The following PTPRN2 variants were observed in gnomAD, a reference collection of about 807,000 sequenced individuals.
PTPRN2 encodes protein tyrosine phosphatase receptor type N2, also known as receptor-type tyrosine-protein phosphatase N2.
Under a neutral mutation model 118.8 loss-of-function variants are expected in PTPRN2, and 74 were observed. The observed-to-expected ratio is 0.62, with a 90% CI of 0.52 to 0.76. PTPRN2 has a LOEUF of 0.76. PTPRN2 is among the 30% of genes least tolerant of loss of function. The pLI, the probability that PTPRN2 is intolerant of heterozygous loss-of-function variation, is 0.00. For missense variants in PTPRN2, 1,481 were observed against 1,394.4 expected, an observed-to-expected ratio of 1.06 and a Z score of -0.99; for synonymous variants, 641 against 608.0, an observed-to-expected ratio of 1.05 and a Z score of -0.80.
intron 1 of PTPRN2, among the ~76,000 whole-genome samples, chr7:158,514,441 C>T (rs1823393361): frequency 1.3e-5 from 2 of 152,108 alleles, no homozygotes; most frequent in African/African-American, 4.8e-5. Flanking sequence ...CAGGGGTGTT[C>T]CTCAGATGTT....
intron 11 of PTPRN2, among the ~76,000 whole-genome samples, chr7:157,976,976 G>C (rs1197000613): frequency 6.6e-6 from 1 of 151,768 alleles, no homozygotes; most frequent in Non-Finnish European, 1.5e-5. Flanking sequence ...TGTCATGCCA[G>C]GAATCGTTAT....
At chr7:157,546,010 G>A (rs1235456450) in intron 22 of PTPRN2, among the ~76,000 whole-genome samples, 4 of 152,178 alleles carry the variant, frequency 2.6e-5, no homozygotes, top group African/African-American at 4.8e-5. Context: ...GCGCAGTCAC[G>A]GATTAAGATG....
chr7:158,469,082 A>G (rs1819644711), intron 2 of PTPRN2, among the ~76,000 whole-genome samples: 1 of 152,228 alleles, frequency 6.6e-6, no homozygotes, highest in Non-Finnish European at 1.5e-5. Context: ...GTGGATCAAC[A>G]CTATGCACAC....
rs1823679508 is a variant in PTPRN2 at position 158,517,783 on chromosome 7, C to G, written c.113-27998G>C. 6.6e-6 allele frequency among the ~76,000 whole-genome samples: 1 copy of G among 152,126 alleles called. No homozygotes were observed. ...CCAGATGCCTCCAGACTCATCCCCACCACAGCCAGGCAGGCCTCCCCAGGC... is the reference window on the plus strand; with the variant it reads ...CCAGATGCCTCCAGACTCATCCCCAGCACAGCCAGGCAGGCCTCCCCAGGC... On this transcript the variant is annotated intron_variant, in intron 1 of 22. Coordinates refer to ENST00000389418, the MANE Select transcript of PTPRN2 (RefSeq NM_002847.5). The surrounding 1 kb of genome is among the most constrained non-coding windows in gnomAD (Gnocchi z 5.3).
At position 158,226,691 on chromosome 7, in the gene PTPRN2, T is replaced by C. The variant is rs1168793539; in HGVS notation, c.278-21418A>G. Among the ~76,000 whole-genome samples the C allele has an allele frequency of 1.4e-4, 6 of 42,780 alleles. No homozygotes were observed. The South Asian group carries it at 2.1e-3, about 15-fold the overall frequency. The allele number at this position is 42,780 out of a possible 152,430, so 28.1% of individuals were successfully genotyped here. On this transcript the variant is annotated intron_variant, in intron 3 of 22. Coordinates refer to ENST00000389418, the MANE Select transcript of PTPRN2 (RefSeq NM_002847.5). ...CGCTTCCCTTTTTTTTTTTTTTTTT[T>C]CCGGTGGTATCCAAGAGTAAGATAT...
chr7:158,056,078 C>T (rs10254965), intron 11 of PTPRN2, among the ~76,000 whole-genome samples: 51,039 of 151,964 alleles, frequency 0.34, 9,453 homozygotes, highest in African/African-American at 0.51. Context: ...CTGGAATCTT[C>T]GGAGGCTCTT....
intron 3 of PTPRN2, among the ~76,000 whole-genome samples, chr7:158,269,332 A>G (rs1043874467): frequency 2.0e-5 from 3 of 152,204 alleles, no homozygotes; most frequent in African/African-American, 7.2e-5. Flanking sequence ...AGAAAGGCCC[A>G]AACACCAGCC....
intron 2 of PTPRN2, among the ~76,000 whole-genome samples, chr7:158,393,240 T>C (rs1252207693): frequency 1.3e-5 from 2 of 152,196 alleles, no homozygotes; most frequent in East Asian, 3.8e-4. Flanking sequence ...AAACCTGGGT[T>C]TGAAAATCCT....
intron 12 of PTPRN2, among the ~76,000 whole-genome samples, chr7:157,754,692 T>C (rs10272636): frequency 0.17 from 26,345 of 152,220 alleles, 4,177 homozygotes; most frequent in African/African-American, 0.42. Context: ...GTTCACGGGG[T>C]GCCCCCAGCC....
intron 3 of PTPRN2, among the ~76,000 whole-genome samples, chr7:158,251,239 A>T (rs944610274): frequency 1.3e-5 from 2 of 152,206 alleles, no homozygotes; most frequent in African/African-American, 4.8e-5. Flanking sequence ...CTGCCTGCTG[A>T]GGTCCCTGGG....
In PTPRN2 at chr7:158,253,607, G is replaced by A. The variant is rs572452068; in HGVS notation, c.278-48334C>T. On this transcript the variant is annotated intron_variant, in intron 3 of 22. Transcript: ENST00000389418. ...CCACAGGAATCTGTCCCCTCCCCTCGGCGGTGGTCAGGTTGGCCTTGAGTC... is the reference window on the plus strand; with the variant it reads ...CCACAGGAATCTGTCCCCTCCCCTCAGCGGTGGTCAGGTTGGCCTTGAGTC... Among the ~76,000 whole-genome samples the A allele has an allele frequency of 2.6e-3, 391 of 152,272 alleles. 5 individuals carry two copies. Among genetic ancestry groups the A allele is most frequent in the African/African-American group, 8.9e-3 (370 of 41,556 alleles).
rs1321400234 is a variant in PTPRN2 at position 158,529,909 on chromosome 7, A to G, written c.113-40124T>C. 6.6e-6 allele frequency among the ~76,000 whole-genome samples: 1 copy of G among 152,112 alleles called. No homozygotes were observed. The highest frequency in any genetic ancestry group is 1.5e-5 in the Non-Finnish European group (1 of 68,008). ...ACCACACACGTGCCACACACAGCACACATATGCACGCTACCACACACATGC... is the reference window on the plus strand; with the variant it reads ...ACCACACACGTGCCACACACAGCACGCATATGCACGCTACCACACACATGC... On this transcript the variant is annotated intron_variant, in intron 1 of 22. Coordinates refer to ENST00000389418, the MANE Select transcript of PTPRN2 (RefSeq NM_002847.5). The surrounding 1 kb of genome is among the most constrained non-coding windows in gnomAD (Gnocchi z 4.7).
chr7:158,123,656 A>C (rs1377453994), intron 9 of PTPRN2, among the ~76,000 whole-genome samples: 1 of 152,214 alleles, frequency 6.6e-6, no homozygotes, highest in Non-Finnish European at 1.5e-5. Context: ...CAATAGAGGA[A>C]AACCACTGTA....
intron 11 of PTPRN2, among the ~76,000 whole-genome samples, chr7:157,949,691 A>C (rs1245170747): frequency 6.6e-6 from 1 of 152,240 alleles, no homozygotes; most frequent in Non-Finnish European, 1.5e-5. Flanking sequence ...ACAAGTGGTA[A>C]TTGTTTACTA....
chr7:157,601,874 T>TTTCTTTTCC (rs1310460962), intron 16 of PTPRN2, among the ~76,000 whole-genome samples: 1 of 152,200 alleles, frequency 6.6e-6, no homozygotes, highest in East Asian at 1.9e-4. Flanking sequence ...CAACATGGCT[T>TTTCTTTTCC]TTCTTTTCCT....
chr7:157,595,091 T>C (rs1801215989), intron 17 of PTPRN2, 147 bp downstream of exon 17: 1 of 746,002 alleles, frequency 1.3e-6, no homozygotes, highest in Non-Finnish European at 2.2e-6. Context: ...ATAAAAAATA[T>C]GAACAGACTG....
chr7:157,982,926 TC>T (rs1199053808), intron 11 of PTPRN2, among the ~76,000 whole-genome samples: 1 of 91,192 alleles, frequency 1.1e-5, no homozygotes, highest in Non-Finnish European at 2.2e-5. Context: ...AGTACCAGGT[TC>T]CCCCCAAACC....
intron 11 of PTPRN2, among the ~76,000 whole-genome samples, chr7:158,056,136 A>T (rs1258078954): frequency 6.6e-6 from 1 of 152,196 alleles, no homozygotes; most frequent in Non-Finnish European, 1.5e-5. Context: ...TCCACCTGGA[A>T]GCTCCTCCTG....
chr7:158,587,039 C>T lies in PTPRN2; in HGVS notation c.112+519G>A, dbSNP rs6951300. On this transcript the variant is annotated intron_variant, in intron 1 of 22. Coordinates refer to ENST00000389418, the MANE Select transcript of PTPRN2 (RefSeq NM_002847.5). ...GAGGCGCGCGACCCGTGGCCGGGGG[C>T]TTGAGACCCAGAGCCTGGGGGTGTC... is the stretch of plus-strand genomic sequence containing the variant. 3.9e-3 allele frequency among the ~76,000 whole-genome samples: 587 copies of T among 152,152 alleles called. 1 individual carries two copies. The highest frequency in any genetic ancestry group is 6.3e-3 in the Non-Finnish European group (425 of 67,958).
Sources: allele counts gnomAD v4.1 joint callset (sites outside exome capture counted in the v4.1 genomes callset), GRCh38; gene constraint gnomAD v4.1.1; non-coding constraint Gnocchi (gnomAD v3.1); transcripts MANE v1.5; gene names NCBI Gene and HGNC (gene_info 2026-07-23, HGNC 2026-07-21).